GRAMD1B: variants seen among roughly 807,000 people sequenced by gnomAD.
GRAMD1B encodes the protein protein Aster-B.
In GRAMD1B, 37 loss-of-function variants were observed where a neutral mutation model predicts 99.7. The observed-to-expected ratio is 0.37, with a 90% CI of 0.29 to 0.49. The LOEUF (loss-of-function observed/expected upper bound fraction) is 0.49, where lower values mean the gene tolerates loss of function less well. Among genes scored for constraint, GRAMD1B ranks in the 20% least tolerant of loss-of-function variants. The pLI is 0.98. For synonymous variants in GRAMD1B, 427 were observed against 387.6 expected, an observed-to-expected ratio of 1.10 and a Z score of -1.19; for missense variants, 888 against 1,009.2, an observed-to-expected ratio of 0.88 and a Z score of 1.63.
At chr11:123,481,226 G>A (rs1052785594) in intron 2 of GRAMD1B, among the ~76,000 whole-genome samples, 4 of 152,122 alleles carry the variant, frequency 2.6e-5, no homozygotes, top group East Asian at 1.9e-4. Context: ...AGGTCGAGGC[G>A]GGCGGATCAC....
chr11:123,542,124 G>A (rs940617694), intron 2 of GRAMD1B, among the ~76,000 whole-genome samples: 1 of 152,164 alleles, frequency 6.6e-6, no homozygotes, highest in African/African-American at 2.4e-5. Flanking sequence ...TCCTTAGTAG[G>A]TTGGTTTGAG....
chr11:123,421,554 G>C (rs954531056), intron 1 of GRAMD1B, among the ~76,000 whole-genome samples: 6 of 152,232 alleles, frequency 3.9e-5, no homozygotes, highest in African/African-American at 1.4e-4. Flanking sequence ...GAGTGAGATA[G>C]AGTAGAAGAA....
rs34697633 is a variant in GRAMD1B at position 123,625,973 on chromosome 11, A to AGAGAGAGAGAGAGAGAGAGC, written c.*3386_*3387insGAGAGAGAGAGCGAGAGAGA. ...GAGAGAGAGAGAGAGAGAGAGAGAG[A>AGAGAGAGAGAGAGAGAGAGC]GAGAGAGATCGAGCTTGATGTATTG... On this transcript the variant is annotated 3_prime_UTR_variant, in exon 20 of 20. Coordinates refer to ENST00000635736, the MANE Select transcript of GRAMD1B (RefSeq NM_001387025.1). 7.2e-5 allele frequency: 10 copies of AGAGAGAGAGAGAGAGAGAGC among 139,744 alleles called. No homozygotes were observed. The highest frequency in any genetic ancestry group is 1.4e-4 in the Non-Finnish European group (9 of 63,908). The allele number at this position is 139,744 out of a possible 1,614,324, so 8.7% of individuals were successfully genotyped here. A position where few individuals can be genotyped will look rare whatever the true frequency, so the allele number is the denominator to read the frequency against.
chr11:123,463,381 G>A (rs1392877736), intron 1 of GRAMD1B, among the ~76,000 whole-genome samples: 1 of 152,236 alleles, frequency 6.6e-6, no homozygotes, highest in African/African-American at 2.4e-5. Flanking sequence ...AGGGTAAAAA[G>A]TTGGAAGCAT....
chr11:123,493,594 G>A (rs1229009962), intron 2 of GRAMD1B, among the ~76,000 whole-genome samples: 3 of 152,192 alleles, frequency 2.0e-5, no homozygotes, highest in South Asian at 2.1e-4. Flanking sequence ...TTGTGTGGAC[G>A]GGCTTCCAGA....
chr11:123,381,225 C>G (rs984851394), intron 1 of GRAMD1B, among the ~76,000 whole-genome samples: 14 of 152,144 alleles, frequency 9.2e-5, no homozygotes, highest in African/African-American at 2.9e-4. Flanking sequence ...TAGGATAGAA[C>G]AGATGGTGGT....
chr11:123,618,856 C>T, intron 18 of GRAMD1B, 56 bp downstream of exon 18: 3 of 888,814 alleles, frequency 3.4e-6, no homozygotes, highest in South Asian at 1.4e-5. Context: ...TGCCATGATA[C>T]CTGTCTCCCA....
intron 1 of GRAMD1B, among the ~76,000 whole-genome samples, chr11:123,456,747 C>G (rs1057422719): frequency 6.6e-6 from 1 of 151,802 alleles, no homozygotes; most frequent in African/African-American, 2.4e-5. Context: ...TGATGAAACT[C>G]CGTCTCTACT....
At chr11:123,405,826 C>T (rs1372756716) in intron 1 of GRAMD1B, among the ~76,000 whole-genome samples, 1 of 152,106 alleles carries the variant, frequency 6.6e-6, no homozygotes, top group Admixed American at 6.5e-5. Flanking sequence ...GTTATGAGCA[C>T]AATATTATGA....
intron 1 of GRAMD1B, among the ~76,000 whole-genome samples, chr11:123,421,492 T>C (rs1948433560): frequency 1.3e-5 from 2 of 152,268 alleles, no homozygotes. Context: ...AGCTTTGTGA[T>C]CTTGGTCTAA....
In GRAMD1B at chr11:123,624,482, G is replaced by A. The variant is rs928067033; in HGVS notation, c.*1887G>A. 3.3e-5 allele frequency: 5 copies of A among 152,204 alleles called. No homozygotes were observed. The highest frequency in any genetic ancestry group is 1.2e-4 in the African/African-American group (5 of 41,454). 9.4% of individuals were successfully genotyped at this position (152,204 alleles called of 1,614,324 possible). ...AGCTAGAGTGGATATTCCTCCCCTA[G>A]AAGAGGAGATGGGAGGAAATGCAGT... On this transcript the variant is annotated 3_prime_UTR_variant, in exon 20 of 20. Transcript: ENST00000635736.
intron 1 of GRAMD1B, among the ~76,000 whole-genome samples, chr11:123,403,445 G>GATGATA (rs1565476583): frequency 8.1e-6 from 1 of 123,864 alleles, no homozygotes; most frequent in South Asian, 2.3e-4. Context: ...TGATGATGAT[G>GATGATA]ATGATAATAA....
At chr11:123,481,372 TGA>T (rs1306970454) in intron 2 of GRAMD1B, among the ~76,000 whole-genome samples, 1 of 152,154 alleles carries the variant, frequency 6.6e-6, no homozygotes, top group Non-Finnish European at 1.5e-5. Context: ...GAGAATCGCT[TGA>T]ACCTGGGAGG....
At chr11:123,431,477 T>C (rs974118339) in intron 1 of GRAMD1B, among the ~76,000 whole-genome samples, 11 of 152,250 alleles carry the variant, frequency 7.2e-5, no homozygotes, top group Non-Finnish European at 1.5e-4. Flanking sequence ...CTAATAGTTA[T>C]TGAGCCCTTA....
intron 2 of GRAMD1B, chr11:123,560,140 A>T (rs1361481814): frequency 3.3e-6 from 3 of 922,626 alleles, no homozygotes; most frequent in Non-Finnish European, 3.9e-6. Flanking sequence ...AGCTGACTGC[A>T]CCAAAGAGTT....
At chr11:123,441,752 C>T (rs1435194055) in intron 1 of GRAMD1B, among the ~76,000 whole-genome samples, 14 of 151,922 alleles carry the variant, frequency 9.2e-5, no homozygotes, top group South Asian at 2.1e-4. Flanking sequence ...GCCATGACCA[C>T]GCCACTGCAC....
Position 123,610,849 on chromosome 11 carries a change from C to A in GRAMD1B, c.1919+511C>A, listed in dbSNP as rs771558528. ...ATTCCATTCCACTTACACTTTATTC[C>A]CAGCACCCAGCTGGGCCTGCACGTA... On this transcript the variant is annotated intron_variant, in intron 14 of 19. Transcript: ENST00000635736. This position sits in a 1 kb window ranked among gnomAD's most constrained non-coding sequence, Gnocchi z 4.1. 2.6e-5 allele frequency among the ~76,000 whole-genome samples: 4 copies of A among 152,126 alleles called. No homozygotes were observed. Among genetic ancestry groups the A allele is most frequent in the Non-Finnish European group, 5.9e-5 (4 of 68,028 alleles).
At chr11:123,574,234 T>A (rs1363507352) in intron 2 of GRAMD1B, among the ~76,000 whole-genome samples, 1 of 152,172 alleles carries the variant, frequency 6.6e-6, no homozygotes, top group African/African-American at 2.4e-5. Flanking sequence ...AGGTGTGGAA[T>A]ATGCAAGCCC....
chr11:123,531,285 C>T (rs1055156468), intron 2 of GRAMD1B, among the ~76,000 whole-genome samples: 1 of 152,084 alleles, frequency 6.6e-6, no homozygotes, highest in Non-Finnish European at 1.5e-5. Context: ...CAGCTCAGGG[C>T]GAGGACTGAA....
Sources: allele counts gnomAD v4.1 joint callset (sites outside exome capture counted in the v4.1 genomes callset), GRCh38; gene constraint gnomAD v4.1.1; non-coding constraint Gnocchi (gnomAD v3.1); transcripts MANE v1.5; gene names NCBI Gene and HGNC (gene_info 2026-07-23, HGNC 2026-07-21).